RPAP2: variants seen among roughly 807,000 people sequenced by gnomAD.
RPAP2 encodes putative RNA polymerase II subunit B1 CTD phosphatase RPAP2.
RPAP2 carries 52 observed loss-of-function variants against 73.1 expected under a neutral mutation model. That is an observed-to-expected ratio of 0.71 (90% CI 0.57 to 0.90). The LOEUF (loss-of-function observed/expected upper bound fraction) is 0.90, where lower values mean the gene tolerates loss of function less well. RPAP2 is among the 40% of genes least tolerant of loss of function. RPAP2 has a pLI of 0.00. For missense variants in RPAP2, 598 were observed against 701.8 expected (o/e 0.85, Z 1.67); for synonymous variants, 225 against 242.1 (o/e 0.93, Z 0.65).
chr1:92,307,126 C>A, intron 5 of RPAP2, 62 bp from the exon 6 acceptor site: 3 of 1,099,498 alleles, frequency 2.7e-6, no homozygotes, highest in South Asian at 2.8e-5. Flanking sequence ...TTTATACTCT[C>A]AACTGTATGT....
chr1:92,356,874 C>A (rs185020313), intron 11 of RPAP2, among the ~76,000 whole-genome samples: 3 of 151,868 alleles, frequency 2.0e-5, no homozygotes, highest in East Asian at 2.0e-4. Flanking sequence ...ACCAACCTGG[C>A]CAACATGGTT....
intron 11 of RPAP2, among the ~76,000 whole-genome samples, chr1:92,360,991 C>A (rs1051843588): frequency 6.6e-6 from 1 of 151,758 alleles, no homozygotes; most frequent in Non-Finnish European, 1.5e-5. Flanking sequence ...ATATTCATGA[C>A]TTTTACCTTC....
chr1:92,376,326 T>C (rs1655385702), intron 11 of RPAP2, among the ~76,000 whole-genome samples: 1 of 152,170 alleles, frequency 6.6e-6, no homozygotes, highest in African/African-American at 2.4e-5. Flanking sequence ...TAATCATTTA[T>C]ATTCTGTTAG....
Position 92,401,414 on chromosome 1 carries a change from C to T in RPAP2, c.*14403C>T, listed in dbSNP as rs893894228. On this transcript the variant is annotated 3_prime_UTR_variant, in exon 13 of 13. Transcript: ENST00000610020. ...GACCATTTTTAGGACAATACTTTCC[C>T]TACTACTTAGTTCTAGTCCCTTTTT... 2 of 152,168 alleles carry T rather than the reference C, an allele frequency of 1.3e-5. No individual in the cohort carries two copies. Among genetic ancestry groups the T allele is most frequent in the Non-Finnish European group, 2.9e-5 (2 of 68,038 alleles). The allele number at this position is 152,168 out of a possible 1,614,324, so 9.4% of individuals were successfully genotyped here. A position where few individuals can be genotyped will look rare whatever the true frequency, so the allele number is the denominator to read the frequency against.
chr1:92,341,197 C>T (rs1259876267), intron 10 of RPAP2, among the ~76,000 whole-genome samples: 2 of 151,874 alleles, frequency 1.3e-5, no homozygotes, highest in Admixed American at 6.6e-5. Flanking sequence ...TTTGTAGAGA[C>T]GAGGTTTCAC....
chr1:92,381,588 CTTTTT>C lies in RPAP2; in HGVS notation c.1838+727_1838+731del, dbSNP rs4000737. Among the ~76,000 whole-genome samples the C allele has an allele frequency of 7.2e-5, 10 of 139,358 alleles. No individual in the cohort carries two copies. The East Asian group carries it at 1.9e-3, about 26-fold the overall frequency. The allele number at this position is 139,358 out of a possible 152,430, so 91.4% of individuals were successfully genotyped here. A position where few individuals can be genotyped will look rare whatever the true frequency, so the allele number is the denominator to read the frequency against. ...AATGAGATTCTCTCAGGGAGATTTT[CTTTTT>C]TTTTTTTTTTTAACGTTTTTTAAAT... On this transcript the variant is annotated intron_variant, in intron 12 of 12. Transcript: ENST00000610020.
chr1:92,299,432 C>T (rs538131140), intron 1 of RPAP2, among the ~76,000 whole-genome samples: 3 of 152,228 alleles, frequency 2.0e-5, no homozygotes, highest in African/African-American at 7.2e-5. Context: ...GGCCTGGGGT[C>T]CCCGGGTTTC....
At chr1:92,368,276 G>C (rs1300883639) in intron 11 of RPAP2, among the ~76,000 whole-genome samples, 1 of 152,152 alleles carries the variant, frequency 6.6e-6, no homozygotes, top group Non-Finnish European at 1.5e-5. Context: ...CTACTCGGGA[G>C]GCTGAGGCAG....
Position 92,391,487 on chromosome 1 carries a change from C to T in RPAP2, c.*4476C>T, listed in dbSNP as rs535663277. 9 of 152,080 alleles carry T rather than the reference C, an allele frequency of 5.9e-5. No individual in the cohort carries two copies. The highest frequency in any genetic ancestry group is 2.2e-4 in the African/African-American group (9 of 41,490). The allele number at this position is 152,080 out of a possible 1,614,324, so 9.4% of individuals were successfully genotyped here. A position where few individuals can be genotyped will look rare whatever the true frequency, so the allele number is the denominator to read the frequency against. The stretch of plus-strand genomic sequence containing the variant: ...AATTAAAAGAACTAGAGAAGCAAGA[C>T]CAAACAAATTCAAAAGCTAGCAGAA... On this transcript the variant is annotated 3_prime_UTR_variant, in exon 13 of 13. Coordinates refer to ENST00000610020, the MANE Select transcript of RPAP2 (RefSeq NM_024813.3).
chr1:92,300,495 C>T lies in RPAP2; in HGVS notation c.119+256C>T, dbSNP rs372082758. Among the ~76,000 whole-genome samples, 8 of 152,104 alleles carry T rather than the reference C, an allele frequency of 5.3e-5. No individual in the cohort carries two copies. The South Asian group carries it at 1.2e-3, about 24-fold the overall frequency. On this transcript the variant is annotated intron_variant, in intron 2 of 12. Transcript: ENST00000610020. ...TCTGTAGAAGGTGTTTGTTTTTCACCGCTTCAGGTACACTCTCCTTTTATT... is the reference window on the plus strand; with the variant it reads ...TCTGTAGAAGGTGTTTGTTTTTCACTGCTTCAGGTACACTCTCCTTTTATT...
intron 2 of RPAP2, 41 bp from the exon 3 acceptor site, chr1:92,301,435 T>C (rs757352725): frequency 1.9e-6 from 2 of 1,035,730 alleles, no homozygotes; most frequent in East Asian, 2.5e-5. Flanking sequence ...ATGTTGGACA[T>C]GAAGCTTTTA....
At chr1:92,309,518 T>C (rs1427788772) in intron 6 of RPAP2, among the ~76,000 whole-genome samples, 1 of 152,002 alleles carries the variant, frequency 6.6e-6, no homozygotes, top group East Asian at 1.9e-4. Context: ...CAGTAAGTGC[T>C]TAGTACCTGG....
chr1:92,371,317 AAAAT>A (rs1196225515), intron 11 of RPAP2, among the ~76,000 whole-genome samples: 32 of 55,780 alleles, frequency 5.7e-4, no homozygotes, highest in African/African-American at 2.9e-3. Flanking sequence ...AAAAAAAAAA[AAAAT>A]ATATATATAT....
At chr1:92,354,974 T>C (rs189059263) in intron 11 of RPAP2, among the ~76,000 whole-genome samples, 26 of 151,376 alleles carry the variant, frequency 1.7e-4, no homozygotes, top group Admixed American at 1.1e-3. Flanking sequence ...TCTCAGCTCA[T>C]TGCAATCTCT....
intron 6 of RPAP2, among the ~76,000 whole-genome samples, chr1:92,308,829 G>A (rs59366523): frequency 0.048 from 7,358 of 151,914 alleles, 609 homozygotes; most frequent in African/African-American, 0.17. Flanking sequence ...GTATGGTGGC[G>A]GGCACCTGTA....
chr1:92,325,888 T>C (rs1652595894), intron 8 of RPAP2, among the ~76,000 whole-genome samples: 1 of 152,206 alleles, frequency 6.6e-6, no homozygotes. Context: ...TTCATTCTTT[T>C]ATTGCTGTAT....
chr1:92,386,894 T>C, intron 12 of RPAP2, 117 bp from the exon 13 acceptor site: 1 of 694,020 alleles, frequency 1.4e-6, no homozygotes, highest in Non-Finnish European at 2.3e-6. Context: ...GTATTTTTAG[T>C]AGAGATGGGG....
At chr1:92,299,867 C>G (rs2101089937) in intron 1 of RPAP2, among the ~76,000 whole-genome samples, 1 of 152,250 alleles carries the variant, frequency 6.6e-6, no homozygotes, top group South Asian at 2.1e-4. Context: ...CCTACTGCCA[C>G]CATGTGTAGC....
At position 92,299,555 on chromosome 1, in the gene RPAP2, C is replaced by T. The variant is rs146530793; in HGVS notation, c.73+409C>T. Among the ~76,000 whole-genome samples, 5 of 152,246 alleles carry T rather than the reference C, an allele frequency of 3.3e-5. No individual in the cohort carries two copies. The East Asian group carries it at 5.8e-4, about 18-fold the overall frequency. On this transcript the variant is annotated intron_variant, in intron 1 of 12. Coordinates refer to ENST00000610020, the MANE Select transcript of RPAP2 (RefSeq NM_024813.3). ...AAGGTGCCGGACTCCCCTCTTCCCC[C>T]AGAGAGGACGTTTGGCAGACGGAGA...
Sources: gnomAD v4.1 joint callset for allele counts (sites outside exome capture counted in the v4.1 genomes callset) on GRCh38, gnomAD v4.1.1 for gene constraint, MANE v1.5 for transcripts, NCBI Gene and HGNC (gene_info 2026-07-23, HGNC 2026-07-21) for gene names.